The following RAG1 variants were observed in gnomAD, a reference collection of about 807,000 sequenced individuals.
RAG1 encodes recombination activating 1, also known as V(D)J recombination-activating protein 1.
In RAG1, 35 loss-of-function variants were observed where a neutral mutation model predicts 62.7. That is an observed-to-expected ratio of 0.56 (90% CI 0.43 to 0.74). The LOEUF (loss-of-function observed/expected upper bound fraction) is 0.74. Ranked by LOEUF, RAG1 falls within the 30% of genes least tolerant of loss-of-function variation. RAG1 has a pLI of 0.00. For missense variants in RAG1, 1,169 were observed against 1,278.6 expected (o/e 0.91, Z 1.31); for synonymous variants, 461 against 470.3 (o/e 0.98, Z 0.26).
intron 2 of RAG1, among the ~76,000 whole-genome samples, chr11:36,520,528 C>T (rs1357445246): frequency 4.6e-5 from 7 of 152,156 alleles, no homozygotes; most frequent in East Asian, 3.9e-4. Flanking sequence ...CCACCCGCCT[C>T]GACCTCCCGA....
intron 1 of RAG1, among the ~76,000 whole-genome samples, chr11:36,517,256 G>A (rs1295555502): frequency 6.6e-6 from 1 of 152,132 alleles, no homozygotes; most frequent in Non-Finnish European, 1.5e-5. Context: ...TTCAATAATT[G>A]CATATTTTCA....
chr11:36,574,179 C>G lies in RAG1; in HGVS notation c.875C>G (p.Ser292Cys), dbSNP rs1225342881. ...DFPEHFVKSI[S>C]CQICEHILAD... ...CCAGAGCACTTTGTGAAATCCATCTCCTGCCAGATCTGTGAACACATTCTG... is the reference window on the plus strand; with the variant it reads ...CCAGAGCACTTTGTGAAATCCATCTGCTGCCAGATCTGTGAACACATTCTG... Residue 292 changes from serine (S) to cysteine (C), a missense_variant, in exon 2 of 2, where the codon TCC becomes TGC. Physicochemically the swap from Ser to Cys is moderately radical, Grantham distance 112. Transcript: ENST00000299440. The G allele has an allele frequency of 6.2e-7, 1 of 1,614,182 alleles. No homozygotes were observed. The highest frequency in any genetic ancestry group is 8.5e-7 in the Non-Finnish European group (1 of 1,180,034).
rs1187891414 is a variant in RAG1, at chr11:36,576,983, A to C, written c.*547A>C. 1 of 173,190 alleles carries C rather than the reference A, an allele frequency of 5.8e-6. No homozygotes were observed. The highest frequency in any genetic ancestry group is 1.4e-5 in the Non-Finnish European group (1 of 71,454). The allele number at this position is 173,190 out of a possible 1,614,324, so 10.7% of individuals were successfully genotyped here. A position where few individuals can be genotyped will look rare whatever the true frequency, so the allele number is the denominator to read the frequency against. On this transcript the variant is annotated 3_prime_UTR_variant, in exon 2 of 2. Coordinates refer to ENST00000299440, the MANE Select transcript of RAG1 (RefSeq NM_000448.3). The stretch of plus-strand genomic sequence containing the variant: ...TAATAATATCTTACATTTGTACAGC[A>C]TGATGACCTTTACAAAGTGCTCTCA...
At chr11:36,519,428 TTTTA>T (rs1444213422) in intron 1 of RAG1, among the ~76,000 whole-genome samples, 1 of 152,238 alleles carries the variant, frequency 6.6e-6, no homozygotes, top group Non-Finnish European at 1.5e-5. Context: ...CATCAAGCAT[TTTTA>T]TTTGTCATCA....
chr11:36,573,204 T>C, intron 1 of RAG1, 87 bp from the exon 2 acceptor site: 2 of 1,261,184 alleles, frequency 1.6e-6, no homozygotes, highest in Non-Finnish European at 2.2e-6. Context: ...GAATAAATAA[T>C]TGAATGTATT....
intron 3 of RAG1, among the ~76,000 whole-genome samples, chr11:36,559,138 T>A (rs867206074): frequency 1.3e-4 from 20 of 152,304 alleles, no homozygotes; most frequent in East Asian, 3.9e-4. Context: ...CAGTTTTTTT[T>A]ATTTTCTTTT....
chr11:36,529,095 C>G (rs574229073), intron 2 of RAG1, among the ~76,000 whole-genome samples: 2 of 152,136 alleles, frequency 1.3e-5, no homozygotes, highest in Non-Finnish European at 2.9e-5. Context: ...CCTTCTGAAA[C>G]TATTCCAATC....
In RAG1 at chr11:36,576,408, T is replaced by C. The variant is rs1307163755; in HGVS notation, c.3104T>C (p.Leu1035Pro). Residue 1035 changes from leucine to proline, a missense_variant, in exon 2 of 2, where the codon CTG becomes CCG. Physicochemically the swap from Leu to Pro is moderately conservative, Grantham distance 98 (BLOSUM62 -3). This residue lies in a region of RAG1 where 800 missense variants were observed against 943.3 expected (regional missense o/e 0.85). Coordinates refer to ENST00000299440, the MANE Select transcript of RAG1 (RefSeq NM_000448.3). ...LGDPLGIEDS[L>P]ESQDSMEF ...GACCCATTAGGCATAGAGGACTCTC[T>C]GGAAAGCCAAGATTCAATGGAATTT... 6.2e-7 allele frequency: 1 copy of C among 1,614,056 alleles called. No individual in the cohort carries two copies. Among genetic ancestry groups the C allele is most frequent in the Non-Finnish European group, 8.5e-7 (1 of 1,180,038 alleles).
chr11:36,564,873 G>C (rs564078961), upstream of RAG1, among the ~76,000 whole-genome samples: 1 of 152,238 alleles, frequency 6.6e-6, no homozygotes, highest in East Asian at 1.9e-4. Context: ...TTTCTTTACC[G>C]TCTAAGATGC....
chr11:36,517,703 T>G (rs1170158975), intron 1 of RAG1, among the ~76,000 whole-genome samples: 1 of 152,222 alleles, frequency 6.6e-6, no homozygotes. Context: ...CAATTTCAAA[T>G]TGAACTTGCA....
intron 3 of RAG1, among the ~76,000 whole-genome samples, chr11:36,551,941 A>C (rs1272176755): frequency 2.8e-5 from 3 of 106,156 alleles, no homozygotes; most frequent in East Asian, 5.6e-4. Context: ...TGAACTCATC[A>C]TTTTTTATGG....
At chr11:36,512,949 T>C (rs1173237994) in intron 1 of RAG1, among the ~76,000 whole-genome samples, 1 of 152,218 alleles carries the variant, frequency 6.6e-6, no homozygotes, top group Non-Finnish European at 1.5e-5. Context: ...GTTGGAAACT[T>C]GATCCCCAAT....
At position 36,551,601 on chromosome 11, in the gene RAG1, CTT is replaced by C. The variant is rs199642455; in HGVS notation, c.-411-11767_-411-11766del. 3.3e-3 allele frequency among the ~76,000 whole-genome samples: 435 copies of C among 133,178 alleles called. 1 individual carries two copies. The highest frequency in any genetic ancestry group is 9.4e-3 in the African/African-American group (340 of 36,344). The allele number at this position is 133,178 out of a possible 152,430, so 87.4% of individuals were successfully genotyped here. A position where few individuals can be genotyped will look rare whatever the true frequency, so the allele number is the denominator to read the frequency against. On this transcript the variant is annotated intron_variant and NMD_transcript_variant, in intron 3 of 9. Coordinates refer to the RAG1 transcript ENST00000534663. ...TGACCTCATTTTAACTTAATTACTTCTTTTTTTTTTTTTTTTTTATTATACTC... is the reference window on the plus strand; with the variant it reads ...TGACCTCATTTTAACTTAATTACTTCTTTTTTTTTTTTTTTTATTATACTC...
upstream of RAG1, among the ~76,000 whole-genome samples, chr11:36,564,372 A>C (rs767675307): frequency 7.9e-5 from 12 of 152,154 alleles, no homozygotes; most frequent in Admixed American, 2.0e-4. Flanking sequence ...GGATTTCTAC[A>C]AAGGTAAGTG....
At chr11:36,568,889 A>T (rs1043439192) in intron 1 of RAG1, among the ~76,000 whole-genome samples, 1 of 152,210 alleles carries the variant, frequency 6.6e-6, no homozygotes, top group South Asian at 2.1e-4. Flanking sequence ...TGAGACTTAT[A>T]AAAAGGCTTT....
chr11:36,534,930 A>G (rs1860304345), intron 2 of RAG1, among the ~76,000 whole-genome samples: 1 of 152,188 alleles, frequency 6.6e-6, no homozygotes, highest in Admixed American at 6.5e-5. Flanking sequence ...GACTAAAATT[A>G]TAATTTTACT....
In RAG1 at chr11:36,576,119, T is replaced by C. The variant is rs905944419; in HGVS notation, c.2815T>C (p.Phe939Leu). 2.0e-5 allele frequency: 33 copies of C among 1,613,896 alleles called. No individual in the cohort carries two copies. Among genetic ancestry groups the C allele is most frequent in the Non-Finnish European group, 2.6e-5 (31 of 1,180,028 alleles). ...YRYEGKITNY[F>L]HKTLAHVPEI... Reference sequence around the variant, plus strand: ...GTATGAGGGAAAAATCACCAATTATTTTCACAAAACCCTGGCCCATGTTCC... The same window carrying C: ...GTATGAGGGAAAAATCACCAATTATCTTCACAAAACCCTGGCCCATGTTCC... The change falls in exon 2 of 2, where the codon TTT becomes CTT. Residue 939 changes from phenylalanine (F) to leucine (L), a missense_variant. Transcript: ENST00000299440.
chr11:36,540,772 GC>G (rs1806072171), downstream of RAG1, among the ~76,000 whole-genome samples: 1 of 152,130 alleles, frequency 6.6e-6, no homozygotes, highest in South Asian at 2.1e-4. Flanking sequence ...ACCAAAGACT[GC>G]CCAGTCTCCG....
Position 36,576,721 on chromosome 11 carries a change from T to C in RAG1, c.*285T>C. 2.2e-6 allele frequency: 1 copy of C among 444,616 alleles called. No homozygotes were observed. The highest frequency in any genetic ancestry group is 2.5e-5 in the South Asian group (1 of 39,750). 27.5% of individuals were successfully genotyped at this position (444,616 alleles called of 1,614,324 possible). On this transcript the variant is annotated 3_prime_UTR_variant, in exon 2 of 2. Transcript: ENST00000299440. ...GCAGGGGACCAGAGATGAGCAAAGA[T>C]CTGTGTGTGTTGGGGAGCTGTCATG...
Sources: gnomAD v4.1 joint callset for allele counts (sites outside exome capture counted in the v4.1 genomes callset) on GRCh38, gnomAD v4.1.1 for gene constraint, gnomAD v4.1.1 regional missense constraint, MANE v1.5 for transcripts, NCBI Gene and HGNC (gene_info 2026-07-23, HGNC 2026-07-21) for gene names.